Variants in C13orf46 observed in about 807,000 individuals in gnomAD.
The protein encoded by C13orf46 is uncharacterized protein C13orf46.
chr13:113,937,635 CAG>C, the C13orf46 span, among the ~76,000 whole-genome samples: 1 of 152,124 alleles, frequency 6.6e-6, no homozygotes, highest in Non-Finnish European at 1.5e-5. Context: ...GTGGTCGGCG[CAG>C]AGTTTGGTTT....
the C13orf46 span, among the ~76,000 whole-genome samples, chr13:113,946,374 C>T: frequency 1.3e-5 from 2 of 152,100 alleles, no homozygotes; most frequent in Non-Finnish European, 2.9e-5. Flanking sequence ...ACCAGTCCCC[C>T]TCTGTGGTGG....
chr13:113,972,326 A>G lies in C13orf46; in HGVS notation c.190+1482T>C, dbSNP rs544261768. ...TCCTAACTACTCACGCCCCCCAAATAGCACATATTTGGATTTTTAAACTCA... is the reference window on the plus strand; with the variant it reads ...TCCTAACTACTCACGCCCCCCAAATGGCACATATTTGGATTTTTAAACTCA... On this transcript the variant is annotated intron_variant, in intron 1 of 6. Coordinates refer to ENST00000636427, the MANE Select transcript of C13orf46 (RefSeq NM_001365455.2). 2.6e-5 allele frequency among the ~76,000 whole-genome samples: 4 copies of G among 152,276 alleles called. No homozygotes were observed. In the East Asian group the frequency reaches 7.7e-4, roughly 29 times the overall value.
chr13:113,937,074 A>G, the C13orf46 span, among the ~76,000 whole-genome samples: 55 of 152,282 alleles, frequency 3.6e-4, 1 homozygote, highest in South Asian at 2.1e-3. Flanking sequence ...TATAAACTAA[A>G]TGTCTCCCAG....
At chr13:113,952,375 GCTGCCGCTCCCGCCTGC>G (rs2052492739), downstream of C13orf46, among the ~76,000 whole-genome samples, 2 of 148,144 alleles carry the variant, frequency 1.4e-5, no homozygotes, top group African/African-American at 5.0e-5. Context: ...CCGCTGTGTG[GCTGCCGCTCCCGCCTGC>G]CCAGGGCCGC....
In C13orf46 at chr13:113,967,905, C is replaced by T. The variant is rs906854143; in HGVS notation, c.457-517G>A. Among the ~76,000 whole-genome samples the T allele has an allele frequency of 2.3e-4, 35 of 152,172 alleles. 1 individual carries two copies. The highest frequency in any genetic ancestry group is 7.2e-4 in the Admixed American group (11 of 15,286). The stretch of plus-strand genomic sequence containing the variant: ...GGTTTTGCTGTCCCAAGGCCTCCAA[C>T]GGGGCACCTGGGCCAGCCCAGAACG... On this transcript the variant is annotated intron_variant, in intron 4 of 6. Coordinates refer to ENST00000636427, the MANE Select transcript of C13orf46 (RefSeq NM_001365455.2).
intron 4 of C13orf46, among the ~76,000 whole-genome samples, chr13:113,967,709 C>T (rs1455480590): frequency 6.6e-6 from 1 of 152,198 alleles, no homozygotes; most frequent in African/African-American, 2.4e-5. Flanking sequence ...CCTCTGAGAA[C>T]TCGGGCCTCC....
At chr13:113,971,789 A>C (rs2052708627) in intron 1 of C13orf46, among the ~76,000 whole-genome samples, 1 of 152,206 alleles carries the variant, frequency 6.6e-6, no homozygotes, top group African/African-American at 2.4e-5. Context: ...TCCCTGCAGA[A>C]ACCAAGGCCA....
the C13orf46 span, among the ~76,000 whole-genome samples, chr13:113,942,602 C>G: frequency 6.6e-6 from 1 of 151,998 alleles, no homozygotes; most frequent in African/African-American, 2.4e-5. Context: ...CCTGAGAACA[C>G]GAGACAGCAA....
rs972597822 is a variant in C13orf46, at chr13:113,963,442, C to T, written c.572+1485G>A. ...TCAGCCTCGGCCCTGTCCTCAGCCT[C>T]GGCCCCTGTCCTCAGCTTCACCCCT... On this transcript the variant is annotated intron_variant, in intron 6 of 6. Transcript: ENST00000636427. 1.5e-3 allele frequency among the ~76,000 whole-genome samples: 197 copies of T among 134,826 alleles called. 7 individuals are homozygous for T. Among genetic ancestry groups the T allele is most frequent in the Non-Finnish European group, 5.6e-4 (35 of 62,142 alleles). 88.5% of individuals were successfully genotyped at this position (134,826 alleles called of 152,430 possible).
chr13:113,942,114 G>A, the C13orf46 span, among the ~76,000 whole-genome samples: 10 of 152,328 alleles, frequency 6.6e-5, no homozygotes, highest in South Asian at 1.0e-3. Context: ...GCAACAAAAC[G>A]CACAGAGGCC....
intron 2 of C13orf46, among the ~76,000 whole-genome samples, 171 bp from the exon 3 acceptor site, chr13:113,968,931 C>T (rs2052676736): frequency 6.6e-6 from 1 of 152,242 alleles, no homozygotes; most frequent in Admixed American, 6.5e-5. Flanking sequence ...AAGGGCCCCA[C>T]AGCCTGGCCC....
Position 113,963,519 on chromosome 13 carries a change from CCT to C in C13orf46, c.572+1406_572+1407del, listed in dbSNP as rs1269472915. The stretch of plus-strand genomic sequence containing the variant: ...CTCGGCCCCTGTCCTCAGCCTCGCC[CCT>C]GTCCTCAGCCTCACCCCTGTCCTCA... On this transcript the variant is annotated intron_variant, in intron 6 of 6. Coordinates refer to ENST00000636427, the MANE Select transcript of C13orf46 (RefSeq NM_001365455.2). 1.2e-4 allele frequency among the ~76,000 whole-genome samples: 17 copies of C among 146,516 alleles called. No homozygotes were observed. In the South Asian group the frequency reaches 1.4e-3, roughly 12 times the overall value.
intron 6 of C13orf46, among the ~76,000 whole-genome samples, chr13:113,961,482 G>GTTTTTTTT (rs1594246310): frequency 6.8e-6 from 1 of 146,486 alleles, no homozygotes; most frequent in South Asian, 2.2e-4. Context: ...AGAAATAACT[G>GTTTTTTTT]TTTTCTTGTT....
At chr13:113,943,668 C>G in the C13orf46 span, among the ~76,000 whole-genome samples, 3 of 152,228 alleles carry the variant, frequency 2.0e-5, no homozygotes, top group Admixed American at 6.5e-5. Flanking sequence ...TTTAAGAGGG[C>G]TCTGGTGAGG....
the C13orf46 span, among the ~76,000 whole-genome samples, chr13:113,934,132 C>A: frequency 6.6e-6 from 1 of 152,124 alleles, no homozygotes; most frequent in African/African-American, 2.4e-5. Context: ...GAACGGAGTG[C>A]GGAATGCAGC....
the C13orf46 span, among the ~76,000 whole-genome samples, chr13:113,942,251 G>C: frequency 6.6e-6 from 1 of 152,310 alleles, no homozygotes; most frequent in South Asian, 2.1e-4. Context: ...CACGCAGCCC[G>C]GGAGGAGGGA....
the C13orf46 span, among the ~76,000 whole-genome samples, chr13:113,939,376 C>A: frequency 1.3e-5 from 2 of 151,992 alleles, no homozygotes; most frequent in African/African-American, 4.8e-5. Flanking sequence ...TGCAGACCAC[C>A]CGATGGGGAG....
At chr13:113,953,484 G>A (rs2138967208), downstream of C13orf46, among the ~76,000 whole-genome samples, 1 of 152,146 alleles carries the variant, frequency 6.6e-6, no homozygotes, top group East Asian at 1.9e-4. Context: ...ACCAGACAGT[G>A]AAGGAGGAAC....
intron 1 of C13orf46, among the ~76,000 whole-genome samples, chr13:113,972,041 T>C (rs534807979): frequency 6.6e-6 from 1 of 152,310 alleles, no homozygotes; most frequent in African/African-American, 2.4e-5. Flanking sequence ...CCGGCCTCCC[T>C]GCTGCGGCAC....
Sources: gnomAD v4.1 joint callset for allele counts (sites outside exome capture counted in the v4.1 genomes callset) on GRCh38, gnomAD v4.1.1 for gene constraint, MANE v1.5 for transcripts, NCBI Gene and HGNC (gene_info 2026-07-23, HGNC 2026-07-21) for gene names.